TAF2: variants seen among roughly 807,000 people sequenced by gnomAD.
TAF2 encodes the protein TATA-box binding protein associated factor 2.
TAF2 carries 61 observed loss-of-function variants against 138.5 expected under a neutral mutation model. That is an observed-to-expected ratio of 0.44 (90% CI 0.36 to 0.54). The LOEUF (loss-of-function observed/expected upper bound fraction) is 0.54, where lower values mean the gene tolerates loss of function less well. Ranked by LOEUF, TAF2 falls within the 20% of genes least tolerant of loss-of-function variation. The pLI is 0.00. For synonymous variants in TAF2, 475 were observed against 469.9 expected (o/e 1.01, Z -0.14); for missense variants, 1,090 against 1,427.9 (o/e 0.76, Z 3.81).
chr8:119,832,688 G>A lies in TAF2; in HGVS notation c.-124C>T, dbSNP rs921029098. 1.9e-5 allele frequency: 16 copies of A among 854,630 alleles called. No homozygotes were observed. Among genetic ancestry groups the A allele is most frequent in the Admixed American group, 5.9e-5 (2 of 34,032 alleles). The allele number at this position is 854,630 out of a possible 1,614,324, so 52.9% of individuals were successfully genotyped here. A position where few individuals can be genotyped will look rare whatever the true frequency, so the allele number is the denominator to read the frequency against. On this transcript the variant is annotated 5_prime_UTR_variant, in exon 1 of 26. Coordinates refer to ENST00000378164, the MANE Select transcript of TAF2 (RefSeq NM_003184.4). ...AAGTCACGTCTCGCAGCTGGCCGGT[G>A]CCCAGGTGAGCGACCTGACGGGTCG... is the stretch of plus-strand genomic sequence containing the variant.
chr8:119,732,286 A>C, intron 25 of TAF2, 100 bp from the exon 26 acceptor site: 1 of 1,101,508 alleles, frequency 9.1e-7, no homozygotes, highest in African/African-American at 1.6e-5. Flanking sequence ...AGGGATTCCT[A>C]AGTTTTTATC....
intron 7 of TAF2, 127 bp from the exon 8 acceptor site, chr8:119,797,230 T>C: frequency 1.4e-6 from 1 of 738,770 alleles, no homozygotes; most frequent in Non-Finnish European, 2.2e-6. Flanking sequence ...ACCTTTCTAA[T>C]CTTTTCAAAA....
chr8:119,777,920 T>G, intron 18 of TAF2, 99 bp downstream of exon 18: 1 of 670,638 alleles, frequency 1.5e-6, no homozygotes. Flanking sequence ...ACTAAATATT[T>G]ATTTAGAAAC....
At chr8:119,818,458 A>ATTTGCTTTG (rs1327245180) in intron 3 of TAF2, among the ~76,000 whole-genome samples, 1 of 152,228 alleles carries the variant, frequency 6.6e-6, no homozygotes, top group African/African-American at 2.4e-5. Context: ...CAATGTTATC[A>ATTTGCTTTG]AAGCTTTGAA....
chr8:119,795,733 T>C (rs1465832741), intron 8 of TAF2, 102 bp from the exon 9 acceptor site: 3 of 1,060,854 alleles, frequency 2.8e-6, no homozygotes, highest in African/African-American at 1.6e-5. Context: ...TTCCCTGCCT[T>C]CATAAAGAAA....
chr8:119,784,544 G>T (rs1015759775), intron 15 of TAF2, among the ~76,000 whole-genome samples: 2 of 152,176 alleles, frequency 1.3e-5, no homozygotes, highest in Middle Eastern at 6.8e-3. Context: ...AACATAATCT[G>T]TATATAAACA....
intron 25 of TAF2, among the ~76,000 whole-genome samples, chr8:119,732,502 T>C (rs922488435): frequency 5.3e-5 from 8 of 152,166 alleles, no homozygotes; most frequent in East Asian, 1.9e-4. Context: ...CACGGTGTTA[T>C]AGGTTAAGAC....
intron 18 of TAF2, among the ~76,000 whole-genome samples, chr8:119,769,062 C>T (rs2131086212): frequency 6.6e-6 from 1 of 152,288 alleles, no homozygotes; most frequent in African/African-American, 2.4e-5. Flanking sequence ...TCACTAGGAG[C>T]TCCACCAGCC....
intron 17 of TAF2, among the ~76,000 whole-genome samples, chr8:119,778,433 C>A (rs980745246): frequency 1.3e-5 from 2 of 152,192 alleles, no homozygotes; most frequent in Non-Finnish European, 2.9e-5. Context: ...AAATTCACTT[C>A]TATGTGATAC....
chr8:119,777,935 T>C, intron 18 of TAF2, 84 bp downstream of exon 18: 1 of 712,412 alleles, frequency 1.4e-6, no homozygotes, highest in Non-Finnish European at 2.4e-6. Context: ...AGAAACAAAA[T>C]ACCATTGGGT....
chr8:119,791,393 C>T lies in TAF2; in HGVS notation c.1344G>A (p.Met448Ile). 1 of 1,613,540 alleles carries T rather than the reference C, an allele frequency of 6.2e-7. No individual in the cohort carries two copies. The highest frequency in any genetic ancestry group is 2.2e-5 in the East Asian group (1 of 44,808). Residue 448 changes from methionine (M) to isoleucine (I), a missense_variant, in exon 11 of 26, where the codon ATG becomes ATA. Met to Ile is a conservative substitution (Grantham distance 10). Around this residue, in one of 3 missense-constraint regions of TAF2, gnomAD observed 504 missense variants for 680.9 expected, o/e 0.74. Coordinates refer to ENST00000378164, the MANE Select transcript of TAF2 (RefSeq NM_003184.4). ...TCACAAGGTGGGCTTTACACTGAAA[C>T]ATACTGTAGTATTCCCAGGACAGTG... Reference protein sequence around the residue: ...PHTLSWEYYSMFQCKAHLVMR... With the variant: ...PHTLSWEYYSIFQCKAHLVMR...
In TAF2 at chr8:119,778,138, G is replaced by C. The variant is rs1288159678; in HGVS notation, c.2254-9C>G. 1 of 1,517,224 alleles carries C rather than the reference G, an allele frequency of 6.6e-7. No homozygotes were observed. Among genetic ancestry groups the C allele is most frequent in the Non-Finnish European group, 9.1e-7 (1 of 1,101,590 alleles). The allele number at this position is 1,517,224 out of a possible 1,614,324, so 94.0% of individuals were successfully genotyped here. ...ATTGCAACTGGCATAGTCTACAAAAGAAAAAAAAGAACTTTTAAAAGCACA... is the reference window on the plus strand; with the variant it reads ...ATTGCAACTGGCATAGTCTACAAAACAAAAAAAAGAACTTTTAAAAGCACA... On this transcript the variant is annotated splice_polypyrimidine_tract_variant and intron_variant, in intron 17 of 25. Transcript: ENST00000378164.
Position 119,742,612 on chromosome 8 carries a change from G to C in TAF2, c.3259C>G (p.Pro1087Ala). The change falls in exon 25 of 26, where the codon CCC becomes GCC. Residue 1087 changes from proline to alanine, a missense_variant. Physicochemically the swap from Pro to Ala is conservative, Grantham distance 27. This residue lies in a region of TAF2 where 580 missense variants were observed against 719.6 expected (regional missense o/e 0.81). Coordinates refer to ENST00000378164, the MANE Select transcript of TAF2 (RefSeq NM_003184.4). The stretch of plus-strand genomic sequence containing the variant: ...CTGTCACAGCCTGCTGAGTGCTGGG[G>C]TATTAAAGCAGATCGGGAGCTAGCT... ...RPASSRSALI[P>A]QHSAGCDSTP... is the part of the protein sequence containing the mutation. 6.2e-7 allele frequency: 1 copy of C among 1,613,910 alleles called. No homozygotes were observed.
chr8:119,747,680 G>A (rs557752208), intron 22 of TAF2, among the ~76,000 whole-genome samples: 135 of 152,292 alleles, frequency 8.9e-4, no homozygotes, highest in African/African-American at 3.1e-3. Flanking sequence ...CAACACTCCA[G>A]TAGATATTGT....
chr8:119,758,424 T>C (rs1009735615), intron 20 of TAF2, among the ~76,000 whole-genome samples: 1 of 152,196 alleles, frequency 6.6e-6, no homozygotes, highest in Non-Finnish European at 1.5e-5. Flanking sequence ...ATAAAGCAAG[T>C]TGTAATTAAG....
chr8:119,797,904 A>G (rs1188312360), intron 6 of TAF2, 58 bp from the exon 7 acceptor site: 2 of 1,517,558 alleles, frequency 1.3e-6, no homozygotes, highest in Admixed American at 3.5e-5. Flanking sequence ...TAATATTGGA[A>G]ATTTCCTAAA....
chr8:119,762,043 GAAAAGTCATCTTAAA>G (rs1821100081), intron 19 of TAF2, among the ~76,000 whole-genome samples: 8 of 151,966 alleles, frequency 5.3e-5, no homozygotes. Flanking sequence ...TGGTAAAAGT[GAAAAGTCATCTTAAA>G]AAAAGGCTAA....
chr8:119,743,270 T>C (rs903553024), intron 24 of TAF2, among the ~76,000 whole-genome samples: 2 of 151,976 alleles, frequency 1.3e-5, no homozygotes, highest in African/African-American at 2.4e-5. Context: ...GCAAGTCATG[T>C]TATACCATTT....
intron 21 of TAF2, 131 bp downstream of exon 21, chr8:119,757,942 G>A: frequency 1.3e-6 from 1 of 792,252 alleles, no homozygotes; most frequent in African/African-American, 1.7e-5. Flanking sequence ...ATTTAAAAAG[G>A]ACATGAATAA....
Sources: allele counts gnomAD v4.1 joint callset (sites outside exome capture counted in the v4.1 genomes callset), GRCh38; gene constraint gnomAD v4.1.1; regional missense constraint gnomAD v4.1.1; transcripts MANE v1.5; gene names NCBI Gene and HGNC (gene_info 2026-07-23, HGNC 2026-07-21).